The following FOXP3 variants were observed in gnomAD, a reference collection of about 807,000 sequenced individuals.
The protein encoded by FOXP3 is forkhead box protein P3.
In FOXP3, 5 loss-of-function variants were observed where a neutral mutation model predicts 31.2. The observed-to-expected ratio is 0.16, with a 90% CI of 0.08 to 0.34. The LOEUF is 0.34. Ranked by LOEUF, FOXP3 falls within the 10% of genes least tolerant of loss-of-function variation. FOXP3 has a pLI of 1.00. For missense variants in FOXP3, 251 were observed against 363.0 expected, an observed-to-expected ratio of 0.69 and a Z score of 2.51; for synonymous variants, 141 against 148.8, an observed-to-expected ratio of 0.95 and a Z score of 0.38.
chrX:49,251,824 T>A, intron 10 of FOXP3, 59 bp from the exon 11 acceptor site: 1 of 1,183,744 alleles, frequency 8.4e-7, no homozygotes, highest in Non-Finnish European at 1.1e-6. Context: ...TTAGAGGGGC[T>A]ATGACCTACC....
chrX:49,264,148 G>A (rs1033198920), intron 1 of FOXP3, among the ~76,000 whole-genome samples: 24 of 111,373 alleles, frequency 2.2e-4, no homozygotes, highest in Non-Finnish European at 4.0e-4. Context: ...CAGAGATAGG[G>A]GAGATGGTCA....
chrX:49,258,148 C>G (rs1356234027), intron 2 of FOXP3, 148 bp downstream of exon 2: 1 of 485,936 alleles, frequency 2.1e-6, no homozygotes, highest in Admixed American at 4.0e-5. Flanking sequence ...CCTGCAACAT[C>G]TGCATAAGTC....
At chrX:49,257,088 G>A in intron 4 of FOXP3, 76 bp from the exon 5 acceptor site, 1 of 906,755 alleles carries the variant, frequency 1.1e-6, no homozygotes. Flanking sequence ...CTCTCATTTT[G>A]AGCTTCCCAC....
At chrX:49,255,182 C>T (rs782435499) in intron 8 of FOXP3, among the ~76,000 whole-genome samples, 2 of 111,935 alleles carry the variant, frequency 1.8e-5, no homozygotes, top group African/African-American at 6.5e-5. Context: ...CTCCTGACCT[C>T]GTGATCCACC....
chrX:49,258,282 GC>G lies in FOXP3; in HGVS notation c.210+13del. On this transcript the variant is annotated intron_variant, in intron 2 of 11. Transcript: ENST00000376207. ...CCCCACCCTGCCTGCCCCATCCTGG[GC>G]CCAGGGCCTCACCTGCAGCTGCGAT... 3.5e-6 allele frequency: 4 copies of G among 1,152,406 alleles called. No homozygotes were observed. The highest frequency in any genetic ancestry group is 1.8e-5 in the African/African-American group (1 of 56,166). The allele number at this position is 1,152,406 out of a possible 1,213,427, so 95.0% of individuals were successfully genotyped here. A position where few individuals can be genotyped will look rare whatever the true frequency, so the allele number is the denominator to read the frequency against.
intron 1 of FOXP3, among the ~76,000 whole-genome samples, 156 bp from the exon 2 acceptor site, chrX:49,258,683 AC>A (rs2066091637): frequency 1.0e-5 from 1 of 98,091 alleles, no homozygotes; most frequent in South Asian, 3.9e-4. Flanking sequence ...CTAGACACAC[AC>A]ACACACACAC....
At chrX:49,263,017 T>G (rs1419328908) in intron 1 of FOXP3, among the ~76,000 whole-genome samples, 1 of 109,786 alleles carries the variant, frequency 9.1e-6, no homozygotes, top group Non-Finnish European at 1.9e-5. Flanking sequence ...CATAAACAAA[T>G]AGAAAAAAAG....
intron 1 of FOXP3, 84 bp downstream of exon 1, chrX:49,264,577 C>T (rs2066129172): frequency 1.8e-6 from 1 of 558,375 alleles, no homozygotes; most frequent in African/African-American, 2.5e-5. Context: ...TACCAGAGGG[C>T]CCCTGACCCC....
chrX:49,260,661 G>A (rs1228496912), intron 1 of FOXP3, among the ~76,000 whole-genome samples: 2 of 112,705 alleles, frequency 1.8e-5, no homozygotes, highest in South Asian at 3.6e-4. Context: ...CTGTTGGGAC[G>A]TCCCTTTCTG....
At chrX:49,254,213 C>G (rs1393407969) in intron 8 of FOXP3, 146 bp from the exon 9 acceptor site, 2 of 660,605 alleles carry the variant, frequency 3.0e-6, no homozygotes, top group African/African-American at 4.5e-5. Flanking sequence ...CTCACTGCAA[C>G]CCCCACCTCC....
intron 6 of FOXP3, 150 bp downstream of exon 6, chrX:49,256,601 A>G: frequency 2.0e-6 from 1 of 505,695 alleles, no homozygotes; most frequent in South Asian, 2.8e-5. Flanking sequence ...ACAGCCAGTC[A>G]GGGATGGAGC....
intron 8 of FOXP3, among the ~76,000 whole-genome samples, chrX:49,254,984 T>TGTC (rs1242252033): frequency 1.9e-5 from 2 of 105,579 alleles, no homozygotes; most frequent in African/African-American, 7.0e-5. Flanking sequence ...AGTCTTGATC[T>TGTC]GTCGCCTAGG....
intron 10 of FOXP3, among the ~76,000 whole-genome samples, chrX:49,252,681 G>A (rs1048697994): frequency 1.8e-5 from 2 of 109,603 alleles, no homozygotes; most frequent in Non-Finnish European, 3.8e-5. Flanking sequence ...GCCCAGTTGG[G>A]GGTGTATTGA....
chrX:49,255,889 G>A lies in FOXP3; in HGVS notation c.648-87C>T, dbSNP rs367555415. 3.5e-4 allele frequency: 288 copies of A among 826,148 alleles called. 11 individuals are homozygous for A. The highest frequency in any genetic ancestry group is 2.0e-3 in the East Asian group (58 of 29,362). The allele number at this position is 826,148 out of a possible 1,213,427, so 68.1% of individuals were successfully genotyped here. On this transcript the variant is annotated intron_variant, in intron 6 of 11. Coordinates refer to ENST00000376207, the MANE Select transcript of FOXP3 (RefSeq NM_014009.4). ...GAATGGGGAGGGCCCAGACCCTCTG[G>A]GAGTTCTCTCCTCTGAGCCCCAGCT...
intron 1 of FOXP3, among the ~76,000 whole-genome samples, chrX:49,262,268 TATTGA>T (rs1557117317): frequency 8.9e-6 from 1 of 112,263 alleles, no homozygotes; most frequent in Non-Finnish European, 1.9e-5. Flanking sequence ...CATGGCTGGG[TATTGA>T]ATTGTATTGC....
At chrX:49,260,076 G>T (rs1012515114) in intron 1 of FOXP3, among the ~76,000 whole-genome samples, 1 of 111,560 alleles carries the variant, frequency 9.0e-6, no homozygotes, top group Non-Finnish European at 1.9e-5. Flanking sequence ...TCTCCTGGGG[G>T]CTTAGAACAT....
intron 2 of FOXP3, 152 bp downstream of exon 2, chrX:49,258,144 A>G (rs1235185158): frequency 2.1e-6 from 1 of 478,896 alleles, no homozygotes; most frequent in East Asian, 3.7e-5. Context: ...TGGCCCTGCA[A>G]CATCTGCATA....
intron 7 of FOXP3, 91 bp from the exon 8 acceptor site, chrX:49,255,600 C>T: frequency 9.1e-7 from 1 of 1,103,092 alleles, no homozygotes; most frequent in Admixed American, 2.5e-5. Context: ...GTGCCCGCTC[C>T]TCTTCCTTCC....
At position 49,253,806 on chromosome X, in the gene FOXP3, A is replaced by AGTG. The variant is rs1312460327; in HGVS notation, c.967+108_967+110dup. The AGTG allele has an allele frequency of 1.9e-5, 17 of 918,599 alleles. No individual in the cohort carries two copies. The South Asian group carries it at 2.6e-4, about 14-fold the overall frequency. The allele number at this position is 918,599 out of a possible 1,213,427, so 75.7% of individuals were successfully genotyped here. A position where few individuals can be genotyped will look rare whatever the true frequency, so the allele number is the denominator to read the frequency against. On this transcript the variant is annotated intron_variant, in intron 9 of 11. Coordinates refer to ENST00000376207, the MANE Select transcript of FOXP3 (RefSeq NM_014009.4). ...CCAAAGGCTGAGTGGCGGCAGCTGC[A>AGTG]GTGGTGGTGGTGGTGGGAAGGGGCA...
Sources: gnomAD v4.1 joint callset for allele counts (sites outside exome capture counted in the v4.1 genomes callset) on GRCh38, gnomAD v4.1.1 for gene constraint, MANE v1.5 for transcripts, NCBI Gene and HGNC (gene_info 2026-07-23, HGNC 2026-07-21) for gene names.